The following TFEC variants were observed in gnomAD, a reference collection of about 807,000 sequenced individuals.
The protein encoded by TFEC is transcription factor EC.
A neutral mutation model predicts 41.6 loss-of-function variants in TFEC; 31 were observed. The ratio of observed to expected loss-of-function variants is 0.74; its 90% CI spans 0.56 to 1.01. The LOEUF is 1.01. TFEC is among the 50% of genes least tolerant of loss of function. TFEC has a pLI of 0.00. For missense variants in TFEC, 402 were observed against 404.1 expected (o/e 0.99, Z 0.04); for synonymous variants, 143 against 140.6 (o/e 1.02, Z -0.12).
intron 3 of TFEC, among the ~76,000 whole-genome samples, chr7:115,966,825 T>A (rs1792876920): frequency 6.6e-6 from 1 of 151,732 alleles, no homozygotes; most frequent in Admixed American, 6.6e-5. Context: ...TCAATAAGCA[T>A]CCAAATCTAA....
chr7:115,977,180 T>C (rs1382613586), intron 2 of TFEC, among the ~76,000 whole-genome samples: 3 of 152,068 alleles, frequency 2.0e-5, no homozygotes, highest in African/African-American at 7.2e-5. Context: ...AAACACACCA[T>C]TTTGTATCAG....
chr7:116,021,359 G>A (rs1795388077), intron 1 of TFEC, among the ~76,000 whole-genome samples: 1 of 152,196 alleles, frequency 6.6e-6, no homozygotes, highest in African/African-American at 2.4e-5. Flanking sequence ...TATTATCAGT[G>A]CTTCAGAAGA....
At chr7:116,110,628 C>T (rs577316896) in intron 3 of TFEC, 3 of 1,039,702 alleles carry the variant, frequency 2.9e-6, no homozygotes, top group South Asian at 8.5e-5. Flanking sequence ...TTTTTGAGTA[C>T]AATTAAAACA....
At chr7:116,051,169 G>T (rs1305751870) in intron 3 of TFEC, among the ~76,000 whole-genome samples, 1 of 152,112 alleles carries the variant, frequency 6.6e-6, no homozygotes, top group Non-Finnish European at 1.5e-5. Flanking sequence ...AAGGGGGAGG[G>T]ATAGCATTAG....
rs529414011 is a variant in TFEC, at chr7:116,011,373, G to A, written c.-73+19260C>T. ...ATTTCATGACCTCATAAGGTGTCAT[G>A]ATATCATAAAACTCAAATAGGTCTC... On this transcript the variant is annotated intron_variant, in intron 1 of 7. Transcript: ENST00000265440. Among the ~76,000 whole-genome samples, 10 of 152,086 alleles carry A rather than the reference G, an allele frequency of 6.6e-5. No homozygotes were observed. The South Asian group carries it at 2.1e-3, about 32-fold the overall frequency.
chr7:115,956,611 A>C (rs1439069551), intron 4 of TFEC, 68 bp downstream of exon 4: 1 of 1,055,244 alleles, frequency 9.5e-7, no homozygotes, highest in Admixed American at 2.6e-5. Context: ...AGTTAGCACA[A>C]TATATGTCAC....
rs370761163 is a variant in TFEC at position 116,131,680 on chromosome 7, T to G, written c.-68-19642A>C. Reference sequence around the variant, plus strand: ...AACATTTTTTTCTAGCTAACATGAGTGTACTTGAAAAAAAATTGTTTCCTC... The same window carrying G: ...AACATTTTTTTCTAGCTAACATGAGGGTACTTGAAAAAAAATTGTTTCCTC... On this transcript the variant is annotated intron_variant, in intron 1 of 8. Coordinates refer to the TFEC transcript ENST00000484212. Among the ~76,000 whole-genome samples the G allele has an allele frequency of 3.3e-5, 5 of 152,266 alleles. No individual in the cohort carries two copies. The East Asian group carries it at 7.7e-4, about 23-fold the overall frequency.
intron 1 of TFEC, among the ~76,000 whole-genome samples, chr7:116,003,802 G>C (rs942828953): frequency 5.9e-5 from 9 of 152,022 alleles, no homozygotes; most frequent in Admixed American, 2.6e-4. Flanking sequence ...AGATAATTGA[G>C]TTAAGCTACA....
At chr7:116,048,803 C>A (rs1417229188) in intron 3 of TFEC, among the ~76,000 whole-genome samples, 2 of 152,194 alleles carry the variant, frequency 1.3e-5, no homozygotes, top group South Asian at 4.1e-4. Context: ...CTCTACAAGC[C>A]AGAAGAGAGT....
At chr7:116,003,320 A>G (rs1464777) in intron 1 of TFEC, among the ~76,000 whole-genome samples, 151,273 of 152,200 alleles carry the variant, frequency 0.99, 75,179 homozygotes, top group East Asian at 1. Context: ...AGTAATCAAG[A>G]AAAAGCAAGA....
chr7:116,039,096 A>G (rs982586270), intron 3 of TFEC, among the ~76,000 whole-genome samples: 2 of 149,280 alleles, frequency 1.3e-5, no homozygotes, highest in Non-Finnish European at 3.0e-5. Flanking sequence ...CCTGCAACCC[A>G]ATTATATGCT....
At chr7:116,152,048 T>C (rs1798773200) in intron 1 of TFEC, among the ~76,000 whole-genome samples, 1 of 152,010 alleles carries the variant, frequency 6.6e-6, no homozygotes, top group Non-Finnish European at 1.5e-5. Flanking sequence ...AATACTCATC[T>C]CTCCAAGTAC....
At chr7:116,065,174 T>C (rs1031971960) in intron 3 of TFEC, among the ~76,000 whole-genome samples, 15 of 152,206 alleles carry the variant, frequency 9.9e-5, no homozygotes, top group African/African-American at 3.1e-4. Flanking sequence ...AAGGCAAAGG[T>C]ATAAAACAGT....
chr7:115,947,085 A>C (rs992898401), intron 6 of TFEC, among the ~76,000 whole-genome samples: 2 of 87,720 alleles, frequency 2.3e-5, no homozygotes, highest in South Asian at 5.0e-4. Flanking sequence ...CCCACCCCAC[A>C]ACAGTCCCCA....
At chr7:116,010,179 A>T (rs1241039775) in intron 1 of TFEC, among the ~76,000 whole-genome samples, 3 of 152,208 alleles carry the variant, frequency 2.0e-5, no homozygotes, top group Admixed American at 2.0e-4. Flanking sequence ...AGAGGCTAGT[A>T]GGGCCAGCCC....
chr7:115,991,255 A>C (rs549999796), intron 1 of TFEC, among the ~76,000 whole-genome samples: 3 of 152,220 alleles, frequency 2.0e-5, no homozygotes, highest in Non-Finnish European at 4.4e-5. Context: ...CAACTAGTAC[A>C]AGCCACTGCA....
intron 1 of TFEC, among the ~76,000 whole-genome samples, chr7:116,121,227 T>C (rs542852633): frequency 1.6e-4 from 24 of 152,064 alleles, no homozygotes; most frequent in African/African-American, 5.3e-4. Flanking sequence ...TAAAAAGGAA[T>C]AAAATACCAT....
chr7:116,069,999 A>T (rs924487204), intron 3 of TFEC, among the ~76,000 whole-genome samples: 12 of 151,640 alleles, frequency 7.9e-5, no homozygotes, highest in Non-Finnish European at 1.2e-4. Flanking sequence ...AAACAATGTT[A>T]AATAATTTGT....
At chr7:116,116,671 A>G (rs1193019181) in intron 1 of TFEC, among the ~76,000 whole-genome samples, 2 of 151,926 alleles carry the variant, frequency 1.3e-5, no homozygotes, top group Non-Finnish European at 2.9e-5. Context: ...AACTCTAAAA[A>G]TAATAGAATC....
Sources: gnomAD v4.1 joint callset for allele counts (sites outside exome capture counted in the v4.1 genomes callset) on GRCh38, gnomAD v4.1.1 for gene constraint, MANE v1.5 for transcripts, NCBI Gene and HGNC (gene_info 2026-07-23, HGNC 2026-07-21) for gene names.